The following PUS1 variants were observed in gnomAD, a reference collection of about 807,000 sequenced individuals.
PUS1 encodes pseudouridine synthase 1.
PUS1 carries 25 observed loss-of-function variants against 38.5 expected under a neutral mutation model. The ratio of observed to expected loss-of-function variants is 0.65; its 90% CI spans 0.47 to 0.91. PUS1 has a LOEUF of 0.91. Among genes scored for constraint, PUS1 ranks in the 40% least tolerant of loss-of-function variants. The pLI is 0.00. For missense variants in PUS1, 597 were observed against 612.3 expected, an observed-to-expected ratio of 0.97 and a Z score of 0.26; for synonymous variants, 282 against 260.4, an observed-to-expected ratio of 1.08 and a Z score of -0.80.
At chr12:131,930,431 TAG>T (rs1184376025) in intron 2 of PUS1, among the ~76,000 whole-genome samples, 1 of 152,152 alleles carries the variant, frequency 6.6e-6, no homozygotes, top group Non-Finnish European at 1.5e-5. Context: ...ACCTGCTAAG[TAG>T]AGTGTGAAGA....
intron 1 of PUS1, 51 bp downstream of exon 1, chr12:131,929,847 A>G: frequency 1.8e-6 from 1 of 545,076 alleles, no homozygotes; most frequent in Non-Finnish European, 2.7e-6. Flanking sequence ...AGCCCAGCCC[A>G]CCCCAGTCCA....
In PUS1 at chr12:131,929,588, G is replaced by T. The variant is rs920812829; in HGVS notation, c.-135G>T. 3 of 742,396 alleles carry T rather than the reference G, an allele frequency of 4.0e-6. No individual in the cohort carries two copies. The East Asian group carries it at 1.0e-4, about 25-fold the overall frequency. The allele number at this position is 742,396 out of a possible 1,614,324, so 46.0% of individuals were successfully genotyped here. ...AGAGGGGCTGGGGCGCCGGTTTCCC[G>T]GAGGTCAGGGGTCAGAAGGAACAGG... On this transcript the variant is annotated 5_prime_UTR_variant, in exon 1 of 6. Coordinates refer to ENST00000376649, the MANE Select transcript of PUS1 (RefSeq NM_025215.6).
intron 3 of PUS1, among the ~76,000 whole-genome samples, chr12:131,935,788 C>G (rs1890798497): frequency 6.6e-6 from 1 of 152,086 alleles, no homozygotes; most frequent in Non-Finnish European, 1.5e-5. Context: ...CTGCCTCGGC[C>G]TCCCAAAGTG....
chr12:131,929,775 G>C lies in PUS1; in HGVS notation c.53G>C (p.Arg18Pro), dbSNP rs1890497787. Residue 18 changes from arginine (R) to proline (P), a missense_variant, in exon 1 of 6, where the codon CGC becomes CCC. Coordinates refer to ENST00000376649, the MANE Select transcript of PUS1 (RefSeq NM_025215.6). ...LLGAFGRWTL[R>P]LGPRPSCSPR... is the part of the protein sequence containing the mutation. ...GGAGCCTTCGGACGGTGGACCCTGCGCCTGGGACCGCGTCCGTCCTGGTAA... is the reference window on the plus strand; with the variant it reads ...GGAGCCTTCGGACGGTGGACCCTGCCCCTGGGACCGCGTCCGTCCTGGTAA... 1 of 1,590,996 alleles carries C rather than the reference G, an allele frequency of 6.3e-7. No homozygotes were observed.
intron 5 of PUS1, among the ~76,000 whole-genome samples, chr12:131,942,586 T>G (rs1016736342): frequency 1.3e-5 from 2 of 152,076 alleles, no homozygotes; most frequent in Non-Finnish European, 2.9e-5. Flanking sequence ...TTTTGTATTT[T>G]TAGTAGAGAT....
intron 3 of PUS1, among the ~76,000 whole-genome samples, chr12:131,936,405 A>G (rs1429115686): frequency 7.1e-6 from 1 of 140,128 alleles, no homozygotes; most frequent in Non-Finnish European, 1.5e-5. Flanking sequence ...TCTACTAAAA[A>G]TACAAAAATT....
chr12:131,938,536 CTT>C, intron 3 of PUS1, among the ~76,000 whole-genome samples: 1 of 152,198 alleles, frequency 6.6e-6, no homozygotes, highest in South Asian at 2.1e-4. Flanking sequence ...TAAGTGTAAA[CTT>C]GATCAGTTTT....
At chr12:131,930,496 G>T (rs542520071) in intron 2 of PUS1, among the ~76,000 whole-genome samples, 1 of 152,260 alleles carries the variant, frequency 6.6e-6, no homozygotes, top group Non-Finnish European at 1.5e-5. Flanking sequence ...GCTCGGGGCA[G>T]CTCAGAAGAG....
chr12:131,941,975 G>T lies in PUS1; in HGVS notation c.1228G>T (p.Gly410Cys), dbSNP rs765071904. The change falls in exon 5 of 6, where the codon GGC (glycine) becomes TGC (cysteine). Residue 410 changes from glycine to cysteine, a missense_variant. Physicochemically the swap from Gly to Cys is radical, Grantham distance 159. Transcript: ENST00000376649. The surrounding 1 kb of genome is among the most constrained non-coding windows in gnomAD (Gnocchi z 4.4). Reference sequence around the variant, plus strand: ...CACCGCTCTCACGGCAGGTGGCACGGGCGCCAAGGTAGGGGCACAGTCCCA... The same window carrying T: ...CACCGCTCTCACGGCAGGTGGCACGTGCGCCAAGGTAGGGGCACAGTCCCA... Reference protein sequence around the residue: ...SATALTAGGTGAKVPSPLEGS... With the variant: ...SATALTAGGTCAKVPSPLEGS... 2.4e-5 allele frequency: 38 copies of T among 1,612,210 alleles called. No individual in the cohort carries two copies. The highest frequency in any genetic ancestry group is 2.8e-5 in the Non-Finnish European group (33 of 1,179,750).
intron 3 of PUS1, chr12:131,934,844 A>T (rs1890754177): frequency 6.6e-6 from 1 of 152,242 alleles, no homozygotes; most frequent in Non-Finnish European, 1.5e-5. Context: ...GCCTGAAGGC[A>T]TTAGGGGCCT....
At chr12:131,937,591 G>C (rs1054224650) in intron 3 of PUS1, among the ~76,000 whole-genome samples, 1 of 152,206 alleles carries the variant, frequency 6.6e-6, no homozygotes, top group Admixed American at 6.5e-5. Flanking sequence ...GGTAAGGCTA[G>C]TCTCGAACTC....
chr12:131,932,252 T>C lies in PUS1; in HGVS notation c.381T>C (p.Pro127=), dbSNP rs774507835. The C allele has an allele frequency of 6.2e-7, 1 of 1,614,128 alleles. No individual in the cohort carries two copies. Among genetic ancestry groups the C allele is most frequent in the South Asian group, 1.1e-5 (1 of 91,082 alleles). Residue 127 remains proline (P), a synonymous_variant, in exon 3 of 6, where the codon CCT becomes CCC. Coordinates refer to ENST00000376649, the MANE Select transcript of PUS1 (RefSeq NM_025215.6). ...CCCTCGTCCGGTCAGGCTGTATTCC[T>C]GAAAATCATGGTGAGGACATGAGGA... The part of the protein sequence containing the change: ...VSALVRSGCI[P]ENHGEDMRKM...
rs1408169495 is a variant in PUS1 at position 131,929,526 on chromosome 12, T to C, written c.-197T>C. ...GGTCAGGGGTCAGCAGGAGTGAGGC[T>C]GGGGCGTCCAGGTCCGAGAGGTCAG... On this transcript the variant is annotated 5_prime_UTR_variant, in exon 1 of 6. Coordinates refer to ENST00000376649, the MANE Select transcript of PUS1 (RefSeq NM_025215.6). The C allele has an allele frequency of 2.0e-6, 1 of 510,244 alleles. No individual in the cohort carries two copies. The highest frequency in any genetic ancestry group is 3.4e-6 in the Non-Finnish European group (1 of 292,008). The allele number at this position is 510,244 out of a possible 1,614,324, so 31.6% of individuals were successfully genotyped here. A position where few individuals can be genotyped will look rare whatever the true frequency, so the allele number is the denominator to read the frequency against.
chr12:131,945,309 G>A lies in PUS1; in HGVS notation c.*1723G>A, dbSNP rs541778452. On this transcript the variant is annotated 3_prime_UTR_variant, in exon 6 of 6. Transcript: ENST00000376649. ...GGTTTTAGGGATTTTGGCCAGAGGA[G>A]CAGTGGGGCTCACTGCTTCGGGAGC... 1.3e-5 allele frequency: 2 copies of A among 152,256 alleles called. No homozygotes were observed. The highest frequency in any genetic ancestry group is 2.9e-5 in the Non-Finnish European group (2 of 68,092). The allele number at this position is 152,256 out of a possible 1,614,324, so 9.4% of individuals were successfully genotyped here.
intron 4 of PUS1, chr12:131,940,954 C>T (rs950828195): frequency 6.3e-6 from 2 of 318,626 alleles, no homozygotes; most frequent in Non-Finnish European, 1.2e-5. Context: ...GTATAAAGAT[C>T]AAATAGGGCA....
intron 3 of PUS1, among the ~76,000 whole-genome samples, chr12:131,937,059 T>C (rs1233231282): frequency 6.6e-6 from 1 of 152,218 alleles, no homozygotes; most frequent in East Asian, 1.9e-4. Flanking sequence ...TCTTTCCCTT[T>C]TTTGGTGCTA....
intron 3 of PUS1, among the ~76,000 whole-genome samples, chr12:131,938,564 C>G (rs1890928653): frequency 6.6e-6 from 1 of 152,186 alleles, no homozygotes; most frequent in Middle Eastern, 3.2e-3. Flanking sequence ...GTGTACCTAC[C>G]TGTGTACGCA....
In PUS1 at chr12:131,941,240, C is replaced by A; in HGVS notation, c.545-52C>A. On this transcript the variant is annotated intron_variant, in intron 4 of 5. Transcript: ENST00000376649. This position sits in a 1 kb window ranked among gnomAD's most constrained non-coding sequence, Gnocchi z 4.4. ...CGCCGTGCTCAGGCTGCTCCCTGGT[C>A]ATCCAGGCACTTCTCACCTGCCTTT... is the stretch of plus-strand genomic sequence containing the variant. 1.3e-6 allele frequency: 2 copies of A among 1,507,214 alleles called. No individual in the cohort carries two copies. Among genetic ancestry groups the A allele is most frequent in the South Asian group, 2.3e-5 (2 of 88,126 alleles). 93.4% of individuals were successfully genotyped at this position (1,507,214 alleles called of 1,614,324 possible). A position where few individuals can be genotyped will look rare whatever the true frequency, so the allele number is the denominator to read the frequency against.
rs1891234752 is a variant in PUS1 at position 131,944,899 on chromosome 12, T to G, written c.*1313T>G. On this transcript the variant is annotated 3_prime_UTR_variant, in exon 6 of 6. Coordinates refer to ENST00000376649, the MANE Select transcript of PUS1 (RefSeq NM_025215.6). ...GGGAAGACTGCTTTTGAAGTGGCGC[T>G]TAGCGTGGAACAAAACACACTGCGT... is the stretch of plus-strand genomic sequence containing the variant. The G allele has an allele frequency of 6.6e-6, 1 of 152,332 alleles. No homozygotes were observed. The highest frequency in any genetic ancestry group is 1.5e-5 in the Non-Finnish European group (1 of 68,080). 9.4% of individuals were successfully genotyped at this position (152,332 alleles called of 1,614,324 possible). A position where few individuals can be genotyped will look rare whatever the true frequency, so the allele number is the denominator to read the frequency against.
Sources: allele counts gnomAD v4.1 joint callset (sites outside exome capture counted in the v4.1 genomes callset), GRCh38; gene constraint gnomAD v4.1.1; non-coding constraint Gnocchi (gnomAD v3.1); transcripts MANE v1.5; gene names NCBI Gene and HGNC (gene_info 2026-07-23, HGNC 2026-07-21).